Variants in DOT1L observed in about 807,000 individuals in gnomAD.
The protein encoded by DOT1L is DOT1 like histone lysine methyltransferase, also known as histone-lysine N-methyltransferase, H3 lysine-79 specific.
Under a neutral mutation model 153.3 loss-of-function variants are expected in DOT1L, and 33 were observed. That is an observed-to-expected ratio of 0.22 (90% CI 0.16 to 0.29). The LOEUF is 0.29. Ranked by LOEUF, DOT1L falls within the 10% of genes least tolerant of loss-of-function variation. The pLI is 1.00. For missense variants in DOT1L, 1,847 were observed against 2,119.9 expected (o/e 0.87, Z 2.53); for synonymous variants, 1,135 against 965.1 (o/e 1.18, Z -3.26).
At chr19:2,173,191 TCCC>T (rs2021739297) in intron 1 of DOT1L, among the ~76,000 whole-genome samples, 1 of 151,836 alleles carries the variant, frequency 6.6e-6, no homozygotes, top group Non-Finnish European at 1.5e-5. Context: ...CTTTCCTCCT[TCCC>T]TGTCACGCTG....
chr19:2,219,225 C>G (rs2024023137), intron 22 of DOT1L, among the ~76,000 whole-genome samples: 1 of 152,160 alleles, frequency 6.6e-6, no homozygotes, highest in Non-Finnish European at 1.5e-5. Flanking sequence ...CCAGGGTGGT[C>G]TCGAACTCCT....
rs200251876 is a variant in DOT1L, at chr19:2,226,416, T to C, written c.3895T>C (p.Ser1299Pro). 20 of 1,599,026 alleles carry C rather than the reference T, an allele frequency of 1.3e-5. No individual in the cohort carries two copies. Among genetic ancestry groups the C allele is most frequent in the Non-Finnish European group, 1.7e-5 (20 of 1,176,704 alleles). ...AAHPRKGFPG[S>P]LSGADGLSPG... ...TCACCCCAGGAAAGGCTTTCCCGGC[T>C]CCCTGTCGGGGGCTGACGGACTCAG... The change falls in exon 27 of 28, where the codon TCC becomes CCC. Residue 1299 changes from serine to proline, a missense_variant. By Grantham distance (74) the Ser-to-Pro change is moderately conservative (BLOSUM62 -1). Transcript: ENST00000398665.
chr19:2,172,662 G>A (rs913061297), intron 1 of DOT1L, among the ~76,000 whole-genome samples: 17 of 150,880 alleles, frequency 1.1e-4, no homozygotes, highest in Non-Finnish European at 1.5e-4. Flanking sequence ...GTGCCACCAG[G>A]CCCAGCTAGT....
intron 1 of DOT1L, among the ~76,000 whole-genome samples, chr19:2,180,214 C>T (rs1191428908): frequency 2.6e-5 from 4 of 152,204 alleles, no homozygotes; most frequent in Non-Finnish European, 5.9e-5. Context: ...GAGGCTCTAT[C>T]ACCTGCGGTC....
chr19:2,164,051 G>T lies in DOT1L; in HGVS notation c.-134G>T. ...GGAGCGCGGCGGCGGCGGCGGCGGC[G>T]GCCGAGGCCGAGGCCAGGCCCCCTC... On this transcript the variant is annotated 5_prime_UTR_variant, in exon 1 of 28. Coordinates refer to ENST00000398665, the MANE Select transcript of DOT1L (RefSeq NM_032482.3). 2.1e-6 allele frequency: 1 copy of T among 484,848 alleles called. No individual in the cohort carries two copies. The highest frequency in any genetic ancestry group is 8.6e-5 in the South Asian group (1 of 11,566). 30.0% of individuals were successfully genotyped at this position (484,848 alleles called of 1,614,324 possible).
chr19:2,198,068 G>A (rs1482044902), intron 7 of DOT1L, among the ~76,000 whole-genome samples: 1 of 152,208 alleles, frequency 6.6e-6, no homozygotes, highest in African/African-American at 2.4e-5. Context: ...AGGGAAGCAG[G>A]GTTGCATATA....
At chr19:2,212,718 C>G (rs934741864) in intron 16 of DOT1L, 1 of 152,270 alleles carries the variant, frequency 6.6e-6, no homozygotes, top group East Asian at 1.9e-4. Context: ...AAGCAGGGGC[C>G]TAGTACATGC....
intron 27 of DOT1L, chr19:2,227,936 G>A: frequency 2.6e-6 from 3 of 1,135,322 alleles, no homozygotes; most frequent in South Asian, 1.6e-5. Flanking sequence ...CTCCCCCGCT[G>A]CCCCCGCCTG....
chr19:2,230,060 C>T lies in DOT1L; in HGVS notation c.*268C>T. 4 of 602,766 alleles carry T rather than the reference C, an allele frequency of 6.6e-6. No individual in the cohort carries two copies. The highest frequency in any genetic ancestry group is 1.2e-5 in the Non-Finnish European group (4 of 347,442). 37.3% of individuals were successfully genotyped at this position (602,766 alleles called of 1,614,324 possible). ...TTTATTCCATCTAAGTGGTAAAAGG[C>T]AACTTATTGAGAAATATAAATATCT... On this transcript the variant is annotated 3_prime_UTR_variant, in exon 28 of 28. Coordinates refer to ENST00000398665, the MANE Select transcript of DOT1L (RefSeq NM_032482.3).
chr19:2,230,504 GGC>G lies in DOT1L; in HGVS notation c.*716_*717del, dbSNP rs1197390094. 2 of 398,734 alleles carry G rather than the reference GGC, an allele frequency of 5.0e-6. No individual in the cohort carries two copies. The highest frequency in any genetic ancestry group is 8.8e-6 in the Non-Finnish European group (2 of 226,200). 24.7% of individuals were successfully genotyped at this position (398,734 alleles called of 1,614,324 possible). On this transcript the variant is annotated 3_prime_UTR_variant, in exon 28 of 28. Coordinates refer to ENST00000398665, the MANE Select transcript of DOT1L (RefSeq NM_032482.3). ...TGCTGCGCGATGGTGCTGTGAGGAC[GGC>G]GCGGGCACGTTGAACAAGTGCATTT...
At position 2,232,343 on chromosome 19, in the gene DOT1L, C is replaced by G. The variant is rs1267652958; in HGVS notation, c.*2551C>G. On this transcript the variant is annotated 3_prime_UTR_variant, in exon 28 of 28. Transcript: ENST00000398665. Reference sequence around the variant, plus strand: ...TCAGTGGTCAGCAGGCCCCCCACCCCCCGCCGACTGCCCTCGCCATCGTGG... The same window carrying G: ...TCAGTGGTCAGCAGGCCCCCCACCCGCCGCCGACTGCCCTCGCCATCGTGG... 9.5e-6 allele frequency: 2 copies of G among 210,658 alleles called. No homozygotes were observed. The highest frequency in any genetic ancestry group is 1.4e-4 in the East Asian group (2 of 14,324). 13.0% of individuals were successfully genotyped at this position (210,658 alleles called of 1,614,324 possible).
At chr19:2,225,489 T>G in intron 26 of DOT1L, 37 bp downstream of exon 26, 1 of 1,602,068 alleles carries the variant, frequency 6.2e-7, no homozygotes, top group Non-Finnish European at 8.6e-7. Flanking sequence ...GCCAGGCCTG[T>G]CCGTGTGGCC....
intron 2 of DOT1L, among the ~76,000 whole-genome samples, chr19:2,181,685 G>T (rs2022240674): frequency 1.3e-5 from 2 of 152,142 alleles, no homozygotes; most frequent in Admixed American, 6.5e-5. Flanking sequence ...TCTGTTCTTT[G>T]TAAAAGAAGT....
intron 3 of DOT1L, among the ~76,000 whole-genome samples, chr19:2,188,709 C>T (rs2022659212): frequency 6.6e-6 from 1 of 152,228 alleles, no homozygotes; most frequent in African/African-American, 2.4e-5. Context: ...TTGCTCTGCT[C>T]TGGACACCTT....
intron 25 of DOT1L, among the ~76,000 whole-genome samples, chr19:2,224,730 C>G (rs2024260283): frequency 6.6e-6 from 1 of 152,164 alleles, no homozygotes; most frequent in East Asian, 1.9e-4. Flanking sequence ...TGCCTCCCAG[C>G]GTGCGCCATC....
At chr19:2,205,009 C>T (rs915414341) in intron 9 of DOT1L, among the ~76,000 whole-genome samples, 10 of 151,692 alleles carry the variant, frequency 6.6e-5, no homozygotes, top group South Asian at 4.2e-4. Context: ...CTCACTCTGT[C>T]GCCCAGGCTG....
intron 16 of DOT1L, 111 bp downstream of exon 16, chr19:2,211,953 C>T (rs1412673679): frequency 3.1e-6 from 3 of 963,642 alleles, no homozygotes; most frequent in African/African-American, 3.3e-5. Flanking sequence ...CCTGAGTGGG[C>T]TCCCTCCTCT....
intron 3 of DOT1L, among the ~76,000 whole-genome samples, chr19:2,187,136 C>G (rs549283018): frequency 5.3e-5 from 8 of 152,332 alleles, no homozygotes; most frequent in Middle Eastern, 3.4e-3. Flanking sequence ...AGGAGCCCCC[C>G]ACAAGTCGCT....
intron 1 of DOT1L, among the ~76,000 whole-genome samples, chr19:2,167,061 G>A (rs2019949119): frequency 6.6e-6 from 1 of 152,186 alleles, no homozygotes; most frequent in Non-Finnish European, 1.5e-5. Flanking sequence ...AAATCCATTG[G>A]ACAGTTGGGC....
Sources: allele counts gnomAD v4.1 joint callset (sites outside exome capture counted in the v4.1 genomes callset), GRCh38; gene constraint gnomAD v4.1.1; transcripts MANE v1.5; gene names NCBI Gene and HGNC (gene_info 2026-07-23, HGNC 2026-07-21).